The following DLG2 variants were observed in gnomAD, a reference collection of about 807,000 sequenced individuals.
The protein encoded by DLG2 is discs large MAGUK scaffold protein 2, also known as disks large homolog 2.
Under a neutral mutation model 132.5 loss-of-function variants are expected in DLG2, and 45 were observed. That is an observed-to-expected ratio of 0.34 (90% CI 0.27 to 0.44). DLG2 has a LOEUF of 0.44. DLG2 is among the 20% of genes least tolerant of loss of function. The probability of loss-of-function intolerance (pLI) is 1.00; values close to 1 mark genes in which losing one functional copy is unlikely to be tolerated. For missense variants in DLG2, 1,045 were observed against 1,196.9 expected (o/e 0.87, Z 1.87); for synonymous variants, 424 against 419.6 (o/e 1.01, Z -0.13).
chr11:84,992,042 A>G (rs751964287), intron 6 of DLG2, among the ~76,000 whole-genome samples: 11 of 152,022 alleles, frequency 7.2e-5, no homozygotes, highest in Non-Finnish European at 1.2e-4. Flanking sequence ...CTTTCTACCA[A>G]TGGCCTTTCC....
intron 3 of DLG2, among the ~76,000 whole-genome samples, chr11:85,581,676 G>C (rs1354920336): frequency 6.6e-6 from 1 of 152,032 alleles, no homozygotes; most frequent in Non-Finnish European, 1.5e-5. Flanking sequence ...TCTCTTACCT[G>C]CTAGGACTAT....
chr11:85,081,997 T>C (rs1357017534), intron 6 of DLG2, among the ~76,000 whole-genome samples: 2 of 152,106 alleles, frequency 1.3e-5, no homozygotes, highest in African/African-American at 4.8e-5. Context: ...ATTTATACAC[T>C]TGTGTTTCAT....
chr11:85,319,867 T>G (rs1246232676), intron 3 of DLG2, among the ~76,000 whole-genome samples: 5 of 151,938 alleles, frequency 3.3e-5, no homozygotes, highest in Non-Finnish European at 7.4e-5. Flanking sequence ...ACCATAAATT[T>G]TATTTCTAAG....
rs560456913 is a variant in DLG2, at chr11:84,715,137, T to C, written c.358-180406A>G. Among the ~76,000 whole-genome samples the C allele has an allele frequency of 1.1e-4, 16 of 152,224 alleles. 1 individual carries two copies. The highest frequency in any genetic ancestry group is 8.3e-4 in the South Asian group (4 of 4,822). Reference sequence around the variant, plus strand: ...AAAAACTTTCCCCTATCTTAATATATAAAAACAATATTGAAGATACCTGAT... The same window carrying C: ...AAAAACTTTCCCCTATCTTAATATACAAAAACAATATTGAAGATACCTGAT... On this transcript the variant is annotated intron_variant, in intron 6 of 27. Coordinates refer to ENST00000376104, the MANE Select transcript of DLG2 (RefSeq NM_001142699.3).
chr11:83,569,567 G>T (rs1018796020), intron 19 of DLG2, among the ~76,000 whole-genome samples: 1 of 152,204 alleles, frequency 6.6e-6, no homozygotes, highest in Admixed American at 6.5e-5. Context: ...TGGCTAAGAA[G>T]CTGATCTGGG....
At chr11:83,568,978 A>C (rs2096753960) in intron 19 of DLG2, among the ~76,000 whole-genome samples, 1 of 152,176 alleles carries the variant, frequency 6.6e-6, no homozygotes, top group African/African-American at 2.4e-5. Flanking sequence ...TATTAATGAG[A>C]AATCAAATCA....
chr11:84,680,343 G>A (rs1595617637), intron 6 of DLG2, among the ~76,000 whole-genome samples: 1 of 152,032 alleles, frequency 6.6e-6, no homozygotes, highest in East Asian at 1.9e-4. Context: ...TTTGCCTATT[G>A]CACCAGTATC....
chr11:85,199,895 C>T (rs1565148010), intron 4 of DLG2, among the ~76,000 whole-genome samples: 1 of 151,902 alleles, frequency 6.6e-6, no homozygotes, highest in East Asian at 1.9e-4. Context: ...GGGTTCTACC[C>T]CCACACCAAG....
chr11:84,209,418 C>T (rs4943888), intron 8 of DLG2, among the ~76,000 whole-genome samples: 115,191 of 151,988 alleles, frequency 0.76, 45,883 homozygotes, highest in Middle Eastern at 0.91. Context: ...AGAAAGTATA[C>T]GTTAATAGGA....
intron 6 of DLG2, among the ~76,000 whole-genome samples, chr11:84,735,248 G>T (rs1202954602): frequency 6.6e-6 from 1 of 152,086 alleles, no homozygotes; most frequent in Non-Finnish European, 1.5e-5. Flanking sequence ...GTAGAATTTG[G>T]CTGTGAATCC....
chr11:83,610,550 C>T (rs1249836003), intron 19 of DLG2, among the ~76,000 whole-genome samples: 1 of 147,042 alleles, frequency 6.8e-6, no homozygotes, highest in Non-Finnish European at 1.5e-5. Context: ...ATCGAACAGA[C>T]AGGGTAACAG....
intron 3 of DLG2, among the ~76,000 whole-genome samples, chr11:85,548,006 T>C (rs2076436844): frequency 6.6e-6 from 1 of 152,198 alleles, no homozygotes. Flanking sequence ...AAACTCATTC[T>C]CTGTCCAGTT....
intron 3 of DLG2, among the ~76,000 whole-genome samples, chr11:85,335,737 T>C (rs2082082488): frequency 6.6e-6 from 1 of 151,616 alleles, no homozygotes; most frequent in South Asian, 2.1e-4. Context: ...AATTGTGAGT[T>C]GAACAATGAG....
intron 6 of DLG2, among the ~76,000 whole-genome samples, chr11:84,934,721 C>T (rs1031390314): frequency 6.6e-6 from 1 of 151,524 alleles, no homozygotes; most frequent in East Asian, 1.9e-4. Context: ...AATTGAATCC[C>T]TTTTAGTATT....
chr11:83,584,075 A>G (rs1221794423), intron 19 of DLG2, among the ~76,000 whole-genome samples: 1 of 152,156 alleles, frequency 6.6e-6, no homozygotes, highest in African/African-American at 2.4e-5. Context: ...TGTAAAGGAC[A>G]ACATCAAGAT....
At chr11:84,559,782 G>A (rs949177797) in intron 6 of DLG2, among the ~76,000 whole-genome samples, 3 of 151,924 alleles carry the variant, frequency 2.0e-5, no homozygotes, top group African/African-American at 7.3e-5. Context: ...ATCTTCTTGG[G>A]TTTAGATCTA....
chr11:84,947,556 A>C (rs2050376407), intron 6 of DLG2, among the ~76,000 whole-genome samples: 1 of 151,988 alleles, frequency 6.6e-6, no homozygotes, highest in African/African-American at 2.4e-5. Context: ...GCCTTCCCCC[A>C]CCACACCCCT....
At chr11:85,492,435 T>C (rs1199518720) in intron 3 of DLG2, among the ~76,000 whole-genome samples, 1 of 152,132 alleles carries the variant, frequency 6.6e-6, no homozygotes, top group Non-Finnish European at 1.5e-5. Context: ...TACCATGGTT[T>C]TCTAAAAAAA....
At chr11:84,846,975 C>T (rs2081552686) in intron 6 of DLG2, among the ~76,000 whole-genome samples, 1 of 152,050 alleles carries the variant, frequency 6.6e-6, no homozygotes, top group Admixed American at 6.6e-5. Flanking sequence ...GTCAGGCTTC[C>T]ATATGAGTGC....
Sources: gnomAD v4.1 joint callset for allele counts (sites outside exome capture counted in the v4.1 genomes callset) on GRCh38, gnomAD v4.1.1 for gene constraint, MANE v1.5 for transcripts, NCBI Gene and HGNC (gene_info 2026-07-23, HGNC 2026-07-21) for gene names.